Variants in CTTNBP2 observed in about 807,000 individuals in gnomAD.
The protein encoded by CTTNBP2 is cortactin binding protein 2.
Under a neutral mutation model 156.9 loss-of-function variants are expected in CTTNBP2, and 108 were observed. The ratio of observed to expected loss-of-function variants is 0.69; its 90% CI spans 0.59 to 0.81. The LOEUF is 0.81. Among genes scored for constraint, CTTNBP2 ranks in the 30% least tolerant of loss-of-function variants. The pLI is 0.00. For synonymous variants in CTTNBP2, 767 were observed against 751.8 expected (o/e 1.02, Z -0.33); for missense variants, 1,924 against 2,035.4 (o/e 0.95, Z 1.05).
At chr7:117,719,106 A>G (rs572769449) in intron 21 of CTTNBP2, among the ~76,000 whole-genome samples, 1 of 152,216 alleles carries the variant, frequency 6.6e-6, no homozygotes, top group Non-Finnish European at 1.5e-5. Flanking sequence ...AGGCTGAGGC[A>G]GGGAGAACTG....
At position 117,737,722 on chromosome 7, in the gene CTTNBP2, C is replaced by T. The variant is rs140212737; in HGVS notation, c.3536-2301G>A. ...CTGAGTAGCTGGGATTACAGGTGCA[C>T]ACCACCATGCCAAATACAAAATTTT... On this transcript the variant is annotated intron_variant, in intron 14 of 22. Transcript: ENST00000160373. 7.8e-3 allele frequency among the ~76,000 whole-genome samples: 1,186 copies of T among 152,164 alleles called. 6 individuals are homozygous for T. The highest frequency in any genetic ancestry group is 0.013 in the Non-Finnish European group (903 of 67,998).
In CTTNBP2 at chr7:117,873,373, C is replaced by A. The variant is rs1450729014; in HGVS notation, c.43G>T (p.Ala15Ser). 1.1e-5 allele frequency: 16 copies of A among 1,482,212 alleles called. No homozygotes were observed. Among genetic ancestry groups the A allele is most frequent in the East Asian group, 2.9e-5 (1 of 34,738 alleles). 91.8% of individuals were successfully genotyped at this position (1,482,212 alleles called of 1,614,324 possible). A position where few individuals can be genotyped will look rare whatever the true frequency, so the allele number is the denominator to read the frequency against. ...GCGGCCCCCGCCGCGTCCTCCGGGG[C>A]CCGGGACAAGTCGGGCTCGCAGCTC... ...GASCEPDLSR[A>S]PEDAAGAAAE... Residue 15 changes from alanine to serine, a missense_variant, in exon 1 of 23, where the codon GCC (alanine) becomes TCC (serine). By Grantham distance (99) the Ala-to-Ser change is moderately conservative. Coordinates refer to ENST00000160373, the MANE Select transcript of CTTNBP2 (RefSeq NM_033427.3).
At chr7:117,723,276 T>C (rs1003324027) in intron 19 of CTTNBP2, among the ~76,000 whole-genome samples, 7 of 152,168 alleles carry the variant, frequency 4.6e-5, no homozygotes, top group African/African-American at 1.7e-4. Flanking sequence ...TGGGGAACCC[T>C]AGCATATATT....
In CTTNBP2 at chr7:117,789,823, T is replaced by C. The variant is rs192093045; in HGVS notation, c.2068+1305A>G. 1.3e-3 allele frequency among the ~76,000 whole-genome samples: 204 copies of C among 152,260 alleles called. 1 individual carries two copies. Among genetic ancestry groups the C allele is most frequent in the Non-Finnish European group, 2.3e-3 (158 of 68,014 alleles). The stretch of plus-strand genomic sequence containing the variant: ...GAGTAGCAAAAGAAGTCACCAAAAA[T>C]GCACAATTGTAAATGGCAGAGACTA... On this transcript the variant is annotated intron_variant, in intron 4 of 22. Transcript: ENST00000160373.
rs1562992505 is a variant in CTTNBP2, at chr7:117,773,700, CACA to C, written c.2778+3808_2778+3810del. On this transcript the variant is annotated intron_variant, in intron 8 of 22. Coordinates refer to ENST00000160373, the MANE Select transcript of CTTNBP2 (RefSeq NM_033427.3). ...ACACACACACACACACACACACACA[CACA>C]CACACCCCAAAAAACAAAAAGCAGA... 2.0e-3 allele frequency among the ~76,000 whole-genome samples: 254 copies of C among 125,622 alleles called. 2 individuals are homozygous for C. Among genetic ancestry groups the C allele is most frequent in the Middle Eastern group, 0.013 (3 of 236 alleles). 82.4% of individuals were successfully genotyped at this position (125,622 alleles called of 152,430 possible).
chr7:117,853,775 C>T (rs1218210911), intron 2 of CTTNBP2, among the ~76,000 whole-genome samples: 1 of 152,172 alleles, frequency 6.6e-6, no homozygotes, highest in African/African-American at 2.4e-5. Context: ...AGTGTGTTCT[C>T]CTTACATATA....
rs975731575 is a variant in CTTNBP2 at position 117,784,643 on chromosome 7, A to T, written c.2069-189T>A. Among the ~76,000 whole-genome samples, 3 of 152,222 alleles carry T rather than the reference A, an allele frequency of 2.0e-5. No homozygotes were observed. The East Asian group carries it at 5.8e-4, about 29-fold the overall frequency. On this transcript the variant is annotated intron_variant, in intron 4 of 22. Coordinates refer to ENST00000160373, the MANE Select transcript of CTTNBP2 (RefSeq NM_033427.3). Reference sequence around the variant, plus strand: ...TCTGGACTGTTATTTCAGATCTTACATCTGCTGCTAATTAAATCAACATAC... The same window carrying T: ...TCTGGACTGTTATTTCAGATCTTACTTCTGCTGCTAATTAAATCAACATAC...
At chr7:117,728,012 C>A in intron 17 of CTTNBP2, 77 bp downstream of exon 17, 1 of 1,336,872 alleles carries the variant, frequency 7.5e-7, no homozygotes, top group South Asian at 1.4e-5. Context: ...GCAGCCTGGT[C>A]AGCATTCTCA....
intron 3 of CTTNBP2, among the ~76,000 whole-genome samples, chr7:117,802,511 G>A (rs114018434): frequency 0.025 from 3,481 of 139,690 alleles, 62 homozygotes; most frequent in South Asian, 0.036. Context: ...GACCTCGAAA[G>A]CAATCACAAC....
rs535611930 is a variant in CTTNBP2, at chr7:117,760,595, T to C, written c.3012A>G (p.Thr1004=). The C allele has an allele frequency of 6.2e-7, 1 of 1,614,162 alleles. No individual in the cohort carries two copies. The highest frequency in any genetic ancestry group is 1.3e-5 in the African/African-American group (1 of 75,046). Residue 1004 remains threonine (T), a synonymous_variant, in exon 10 of 23, where the codon ACA becomes ACG. Transcript: ENST00000160373. ...TICALNIRKQ[T]SWDDFSKAVS... is the part of the protein sequence containing the mutation. ...CTGCTTTTGAAAAATCATCCCATGA[T>C]GTCTGTTTGCGGATATTTAAAGCAC...
intron 16 of CTTNBP2, among the ~76,000 whole-genome samples, chr7:117,734,387 G>A (rs189834399): frequency 2.1e-4 from 32 of 152,224 alleles, no homozygotes; most frequent in South Asian, 8.3e-4. Context: ...TGATGTATTC[G>A]ATTTGGTCAG....
At chr7:117,751,149 T>C (rs1371213439) in intron 12 of CTTNBP2, among the ~76,000 whole-genome samples, 1 of 152,240 alleles carries the variant, frequency 6.6e-6, no homozygotes, top group Non-Finnish European at 1.5e-5. Context: ...CATGCATCTC[T>C]ATTTTTTTCC....
intron 14 of CTTNBP2, among the ~76,000 whole-genome samples, chr7:117,744,043 T>C (rs1796175814): frequency 6.6e-6 from 1 of 152,104 alleles, no homozygotes; most frequent in African/African-American, 2.4e-5. Flanking sequence ...TGTGGCTACA[T>C]AGTAGGTGTA....
At chr7:117,731,948 T>C (rs903950636) in intron 16 of CTTNBP2, among the ~76,000 whole-genome samples, 4 of 152,224 alleles carry the variant, frequency 2.6e-5, no homozygotes, top group African/African-American at 9.6e-5. Flanking sequence ...CATATATGTG[T>C]ATATAGTCCC....
In CTTNBP2 at chr7:117,757,907, T is replaced by C. The variant is rs1451740906; in HGVS notation, c.3236A>G (p.Asn1079Ser). 6.2e-7 allele frequency: 1 copy of C among 1,613,368 alleles called. No homozygotes were observed. The highest frequency in any genetic ancestry group is 1.1e-5 in the South Asian group (1 of 90,948). ...AQSPWDFMRK[N>S]KAEHITVLLS... ...AAGCACAGTGATGTGCTCTGCCTTA[T>C]TCTTCCTCATAAAGTCCCACGGGGA... The change falls in exon 11 of 23, where the codon AAT becomes AGT. Residue 1079 changes from asparagine to serine, a missense_variant. By Grantham distance (46) the Asn-to-Ser change is conservative (BLOSUM62 1). Transcript: ENST00000160373.
intron 2 of CTTNBP2, among the ~76,000 whole-genome samples, chr7:117,811,467 A>AT (rs920578064): frequency 1.8e-4 from 28 of 151,986 alleles, no homozygotes; most frequent in Admixed American, 1.8e-3. Context: ...CACCCAGCTA[A>AT]TTTTTTTGAT....
chr7:117,803,082 T>C (rs1475769411), intron 3 of CTTNBP2, among the ~76,000 whole-genome samples: 1 of 152,226 alleles, frequency 6.6e-6, no homozygotes, highest in Non-Finnish European at 1.5e-5. Flanking sequence ...TGCATGCCTA[T>C]GTTTATCTCA....
At chr7:117,865,439 T>C (rs977502124) in intron 1 of CTTNBP2, among the ~76,000 whole-genome samples, 2 of 151,614 alleles carry the variant, frequency 1.3e-5, no homozygotes, top group South Asian at 2.1e-4. Flanking sequence ...GGCCGGCAGA[T>C]TGCCTGAGCT....
At position 117,721,097 on chromosome 7, in the gene CTTNBP2, C is replaced by T. The variant is rs766581514; in HGVS notation, c.4481G>A (p.Cys1494Tyr). The change falls in exon 20 of 23, where the codon TGT becomes TAT. Residue 1494 changes from cysteine to tyrosine, a missense_variant. Physicochemically the swap from Cys to Tyr is radical, Grantham distance 194. Transcript: ENST00000160373. ...TTTTGACAGAGAAGCATTCCTGTTACAATTCAGCTGTGATATAGTCTTATT... is the reference window on the plus strand; with the variant it reads ...TTTTGACAGAGAAGCATTCCTGTTATAATTCAGCTGTGATATAGTCTTATT... ...MKNKTISQLN[C>Y]NRNASLSKQK... 3 of 1,606,682 alleles carry T rather than the reference C, an allele frequency of 1.9e-6. No individual in the cohort carries two copies. Among genetic ancestry groups the T allele is most frequent in the South Asian group, 2.2e-5 (2 of 90,898 alleles).
Sources: gnomAD v4.1 joint callset for allele counts (sites outside exome capture counted in the v4.1 genomes callset) on GRCh38, gnomAD v4.1.1 for gene constraint, MANE v1.5 for transcripts, NCBI Gene and HGNC (gene_info 2026-07-23, HGNC 2026-07-21) for gene names.